MDM4: variants seen among roughly 807,000 people sequenced by gnomAD.
MDM4 encodes the protein protein Mdm4.
Under a neutral mutation model 60.2 loss-of-function variants are expected in MDM4, and 2 were observed. The ratio of observed to expected loss-of-function variants is 0.03; its 90% confidence interval spans 0.01 to 0.10. The LOEUF (loss-of-function observed/expected upper bound fraction) is 0.10. MDM4 is among the 10% of genes least tolerant of loss of function. The pLI, the probability that MDM4 is intolerant of heterozygous loss-of-function variation, is 1.00. For synonymous variants in MDM4, 202 were observed against 198.1 expected (o/e 1.02, Z -0.17); for missense variants, 447 against 577.5 (o/e 0.77, Z 2.32).
At chr1:204,547,566 G>A (rs1002371059) in intron 10 of MDM4, among the ~76,000 whole-genome samples, 1 of 152,162 alleles carries the variant, frequency 6.6e-6, no homozygotes, top group Non-Finnish European at 1.5e-5. Context: ...AACATTTTTA[G>A]GTTGTTTCTG....
At chr1:204,544,421 A>T in intron 8 of MDM4, 114 bp from the exon 9 acceptor site, 1 of 991,258 alleles carries the variant, frequency 1.0e-6, no homozygotes, top group Non-Finnish European at 1.5e-6. Flanking sequence ...TAAAGGCAAG[A>T]TGTTCTTTGG....
At chr1:204,524,957 G>A (rs1039626644) in intron 1 of MDM4, among the ~76,000 whole-genome samples, 6 of 151,730 alleles carry the variant, frequency 4.0e-5, no homozygotes, top group African/African-American at 1.5e-4. Context: ...TAATTGCTGT[G>A]TTTTTTTCTG....
intron 3 of MDM4, among the ~76,000 whole-genome samples, chr1:204,527,441 G>C (rs934033634): frequency 6.6e-6 from 1 of 152,068 alleles, no homozygotes; most frequent in Non-Finnish European, 1.5e-5. Context: ...ATCACCTGAG[G>C]TCAGGAGTTC....
chr1:204,529,379 A>C (rs371646739), intron 3 of MDM4: 1 of 991,446 alleles, frequency 1.0e-6, no homozygotes. Context: ...CCTGTCCATG[A>C]GGCCTGGGCT....
intron 1 of MDM4, chr1:204,525,281 CG>C: frequency 4.1e-6 from 4 of 970,358 alleles, no homozygotes; most frequent in Non-Finnish European, 4.9e-6. Context: ...GAAGCTTGGA[CG>C]ATTCTTACTC....
rs368771716 is a variant in MDM4, at chr1:204,526,318, AC to A, written c.79-41del. 572 of 1,522,944 alleles carry A rather than the reference AC, an allele frequency of 3.8e-4. 3 individuals carry two copies. In the African/African-American group the frequency reaches 6.9e-3, roughly 18 times the overall value. 94.3% of individuals were successfully genotyped at this position (1,522,944 alleles called of 1,614,324 possible). A position where few individuals can be genotyped will look rare whatever the true frequency, so the allele number is the denominator to read the frequency against. ...TCTTGTTCCATAGTTTCAGAAACCT[AC>A]TTGAAATGTAAATAGCACATTTATT... On this transcript the variant is annotated intron_variant, in intron 2 of 10. Transcript: ENST00000367182.
chr1:204,539,619 C>T (rs1032212441), intron 7 of MDM4, among the ~76,000 whole-genome samples: 2 of 151,042 alleles, frequency 1.3e-5, no homozygotes, highest in African/African-American at 2.4e-5. Flanking sequence ...CTGCAACAAC[C>T]TCCACCTCCC....
At chr1:204,530,839 G>GT in intron 4 of MDM4, 22 bp downstream of exon 4, 1 of 1,614,072 alleles carries the variant, frequency 6.2e-7, no homozygotes, top group Non-Finnish European at 8.5e-7. Context: ...GAGGGCTTGC[G>GT]TATCTTTTTG....
chr1:204,523,912 C>T (rs965081377), intron 1 of MDM4, among the ~76,000 whole-genome samples: 6 of 152,100 alleles, frequency 3.9e-5, no homozygotes, highest in South Asian at 2.1e-4. Context: ...AGGGTTGGAC[C>T]GCACAGTCTA....
chr1:204,540,096 A>T (rs1246999540), intron 7 of MDM4, among the ~76,000 whole-genome samples: 1 of 151,664 alleles, frequency 6.6e-6, no homozygotes, highest in Admixed American at 6.6e-5. Flanking sequence ...CCTGGCCAAC[A>T]CGGTGAAATC....
chr1:204,532,832 T>G (rs1661007352), intron 5 of MDM4: 1 of 1,610,918 alleles, frequency 6.2e-7, no homozygotes, highest in Admixed American at 1.7e-5. Context: ...ATCCTTGTGA[T>G]TTTGTTTAAT....
intron 3 of MDM4, among the ~76,000 whole-genome samples, chr1:204,527,938 G>A (rs1660388942): frequency 6.6e-6 from 1 of 151,348 alleles, no homozygotes; most frequent in Admixed American, 6.6e-5. Flanking sequence ...CACTTCTCAA[G>A]GAGACAAATC....
At chr1:204,538,135 C>A in intron 6 of MDM4, 74 bp from the exon 7 acceptor site, 1 of 832,942 alleles carries the variant, frequency 1.2e-6, no homozygotes, top group Non-Finnish European at 2.1e-6. Context: ...AACTGGTGAG[C>A]CAGAATGGAA....
chr1:204,524,736 C>T (rs1056877389), intron 1 of MDM4, among the ~76,000 whole-genome samples: 5 of 152,236 alleles, frequency 3.3e-5, no homozygotes, highest in Non-Finnish European at 7.3e-5. Flanking sequence ...GAGATTGCGC[C>T]ATTGCGCTTC....
At position 204,556,988 on chromosome 1, in the gene MDM4, C is replaced by T. The variant is rs897285899; in HGVS notation, c.*7306C>T. The stretch of plus-strand genomic sequence containing the variant: ...GTTAAGTATTGAGTGCCAGTCTTGA[C>T]GTCCGTATGCCTCAGTTTTTCTCAT... On this transcript the variant is annotated 3_prime_UTR_variant, in exon 11 of 11. Coordinates refer to ENST00000367182, the MANE Select transcript of MDM4 (RefSeq NM_002393.5). The T allele has an allele frequency of 2.9e-5, 6 of 206,762 alleles. No individual in the cohort carries two copies. Among genetic ancestry groups the T allele is most frequent in the East Asian group, 7.3e-5 (1 of 13,646 alleles). The allele number at this position is 206,762 out of a possible 1,614,324, so 12.8% of individuals were successfully genotyped here.
intron 1 of MDM4, among the ~76,000 whole-genome samples, chr1:204,517,057 C>T (rs1558305705): frequency 6.6e-6 from 1 of 151,936 alleles, no homozygotes; most frequent in Non-Finnish European, 1.5e-5. Context: ...CCTGGCCAAC[C>T]TGGTGAAACC....
In MDM4 at chr1:204,530,740, G is replaced by A; in HGVS notation, c.210G>A (p.Glu70=). 1.9e-6 allele frequency: 3 copies of A among 1,614,226 alleles called. No individual in the cohort carries two copies. The highest frequency in any genetic ancestry group is 2.5e-6 in the Non-Finnish European group (3 of 1,180,026). The change falls in exon 4 of 11, where the codon GAG becomes GAA. Residue 70 remains glutamate, a synonymous_variant. Transcript: ENST00000367182. ...TGAAGCAACTTTATGATCAGCAGGA[G>A]CAGCATATGGTATATTGTGGTGGAG... ...IMVKQLYDQQ[E]QHMVYCGGDL...
At chr1:204,529,006 G>A in intron 3 of MDM4, 1 of 1,524,946 alleles carries the variant, frequency 6.6e-7, no homozygotes, top group Non-Finnish European at 9.0e-7. Flanking sequence ...ACAGAGCGTG[G>A]GCAGTAGCTG....
At chr1:204,518,823 G>A (rs1020907715) in intron 1 of MDM4, among the ~76,000 whole-genome samples, 2 of 152,272 alleles carry the variant, frequency 1.3e-5, no homozygotes, top group East Asian at 1.9e-4. Context: ...GTGCCACCAC[G>A]CCCAGCTAAT....
Sources: gnomAD v4.1 joint callset for allele counts (sites outside exome capture counted in the v4.1 genomes callset) on GRCh38, gnomAD v4.1.1 for gene constraint, MANE v1.5 for transcripts, NCBI Gene and HGNC (gene_info 2026-07-23, HGNC 2026-07-21) for gene names.